The following PSD3 variants were observed in gnomAD, a reference collection of about 807,000 sequenced individuals.
PSD3 encodes the protein pleckstrin and Sec7 domain containing 3.
In PSD3, 49 loss-of-function variants were observed where a neutral mutation model predicts 105.5. The ratio of observed to expected loss-of-function variants is 0.46; its 90% CI spans 0.37 to 0.59. PSD3 has a LOEUF of 0.59. Among genes scored for constraint, PSD3 ranks in the 20% least tolerant of loss-of-function variants. PSD3 has a pLI of 0.00. For synonymous variants in PSD3, 557 were observed against 457.8 expected, an observed-to-expected ratio of 1.22 and a Z score of -2.77; for missense variants, 1,561 against 1,263.8, an observed-to-expected ratio of 1.24 and a Z score of -3.57.
chr8:18,964,720 C>G (rs989324434), intron 1 of PSD3, among the ~76,000 whole-genome samples: 2 of 152,178 alleles, frequency 1.3e-5, no homozygotes, highest in African/African-American at 2.4e-5. Context: ...GATCCTGCGT[C>G]TACCACTGCT....
At chr8:18,674,618 T>G (rs1799968873) in intron 9 of PSD3, among the ~76,000 whole-genome samples, 1 of 152,172 alleles carries the variant, frequency 6.6e-6, no homozygotes, top group Admixed American at 6.5e-5. Flanking sequence ...AGGGGGTGGA[T>G]GGGGCACAGA....
intron 1 of PSD3, among the ~76,000 whole-genome samples, chr8:18,988,341 C>T (rs17469303): frequency 0.014 from 2,207 of 152,234 alleles, 23 homozygotes; most frequent in Non-Finnish European, 0.023. Flanking sequence ...ATAAGACACT[C>T]CTGCCTCTCT....
intron 9 of PSD3, among the ~76,000 whole-genome samples, chr8:18,659,007 G>C (rs1323964407): frequency 1.3e-5 from 2 of 152,138 alleles, no homozygotes; most frequent in South Asian, 4.1e-4. Flanking sequence ...GCTCCAGTAT[G>C]AAAGTTCCCA....
At chr8:18,987,992 G>A (rs1318910451) in intron 1 of PSD3, among the ~76,000 whole-genome samples, 1 of 151,456 alleles carries the variant, frequency 6.6e-6, no homozygotes, top group African/African-American at 2.4e-5. Context: ...GCTAGCAATG[G>A]GGCAATAACA....
chr8:18,540,392 G>C (rs1240781631), intron 15 of PSD3, among the ~76,000 whole-genome samples: 1 of 152,080 alleles, frequency 6.6e-6, no homozygotes, highest in Non-Finnish European at 1.5e-5. Flanking sequence ...CAGTATCTCA[G>C]GTATGCCTGT....
At chr8:18,560,451 T>A (rs567777505) in intron 14 of PSD3, among the ~76,000 whole-genome samples, 1 of 152,092 alleles carries the variant, frequency 6.6e-6, no homozygotes, top group Non-Finnish European at 1.5e-5. Context: ...CAAAATAGAT[T>A]TCAGAGATGG....
chr8:19,051,255 C>G (rs745319532), intron 1 of PSD3, among the ~76,000 whole-genome samples: 6 of 124,230 alleles, frequency 4.8e-5, no homozygotes, highest in Non-Finnish European at 1.0e-4. Context: ...ATAACCAGCG[C>G]TCGTCCTTCA....
At chr8:18,888,621 G>A (rs886679025) in intron 2 of PSD3, among the ~76,000 whole-genome samples, 2 of 152,124 alleles carry the variant, frequency 1.3e-5, no homozygotes, top group Non-Finnish European at 2.9e-5. Flanking sequence ...TAATCACTAT[G>A]ACTTTTAGTA....
chr8:18,920,887 A>G (rs1820966996), intron 2 of PSD3, among the ~76,000 whole-genome samples: 2 of 152,188 alleles, frequency 1.3e-5, no homozygotes, highest in Admixed American at 1.3e-4. Flanking sequence ...GAATAGAGGT[A>G]CCTGTGTCAG....
rs185082727 is a variant in PSD3 at position 19,084,005 on chromosome 8, G to A, written c.324+201C>T. 8.8e-4 allele frequency among the ~76,000 whole-genome samples: 134 copies of A among 152,320 alleles called. 1 individual carries two copies. Among genetic ancestry groups the A allele is most frequent in the Non-Finnish European group, 7.3e-5 (5 of 68,028 alleles). On this transcript the variant is annotated intron_variant, in intron 1 of 1. Transcript: ENST00000521475. ...ATCCTTGCCTTCTTCCAAACAAAAT[G>A]TTTCTGGTGGCCTGGAAGGTGGCAG...
chr8:18,964,123 T>G (rs1003444092), intron 1 of PSD3, among the ~76,000 whole-genome samples: 2 of 152,276 alleles, frequency 1.3e-5, no homozygotes, highest in African/African-American at 4.8e-5. Flanking sequence ...CTCGGGTTTT[T>G]TTTGTTTGTT....
At chr8:18,898,645 T>C (rs371853298) in intron 2 of PSD3, among the ~76,000 whole-genome samples, 1 of 152,338 alleles carries the variant, frequency 6.6e-6, no homozygotes, top group East Asian at 1.9e-4. Flanking sequence ...AATGGACACA[T>C]ATTTTGCATG....
At chr8:18,600,928 CA>C (rs1350607595) in intron 11 of PSD3, among the ~76,000 whole-genome samples, 1 of 152,206 alleles carries the variant, frequency 6.6e-6, no homozygotes, top group East Asian at 1.9e-4. Context: ...ATACCCCCCT[CA>C]ACCAGAGTGC....
At chr8:19,025,476 C>T (rs1431311430) in intron 1 of PSD3, among the ~76,000 whole-genome samples, 2 of 152,128 alleles carry the variant, frequency 1.3e-5, no homozygotes, top group Non-Finnish European at 2.9e-5. Flanking sequence ...CTGACTCGTC[C>T]TTGAGTTTCT....
intron 1 of PSD3, among the ~76,000 whole-genome samples, chr8:18,965,349 G>A (rs892047849): frequency 2.0e-5 from 3 of 152,122 alleles, no homozygotes; most frequent in African/African-American, 7.2e-5. Context: ...AGTTCCTCCA[G>A]CTGAAATCAA....
intron 9 of PSD3, among the ~76,000 whole-genome samples, chr8:18,693,735 C>G (rs1291354353): frequency 6.6e-6 from 1 of 152,222 alleles, no homozygotes; most frequent in Admixed American, 6.5e-5. Flanking sequence ...CCTCTGCACT[C>G]AGCCTCCTTG....
At chr8:18,769,255 G>C (rs1490686576) in intron 8 of PSD3, among the ~76,000 whole-genome samples, 3 of 152,074 alleles carry the variant, frequency 2.0e-5, no homozygotes, top group African/African-American at 7.2e-5. Context: ...AATAAAGGAA[G>C]GTCTAATTTA....
At chr8:18,983,868 G>C (rs1289204917) in intron 1 of PSD3, among the ~76,000 whole-genome samples, 1 of 151,830 alleles carries the variant, frequency 6.6e-6, no homozygotes, top group East Asian at 1.9e-4. Flanking sequence ...GCTGGATATG[G>C]TGGCATGTGC....
chr8:18,673,211 C>T (rs1799883600), intron 9 of PSD3, among the ~76,000 whole-genome samples: 1 of 152,058 alleles, frequency 6.6e-6, no homozygotes, highest in Non-Finnish European at 1.5e-5. Context: ...TCCACACACA[C>T]ACACACACCC....
Sources: gnomAD v4.1 joint callset for allele counts (sites outside exome capture counted in the v4.1 genomes callset) on GRCh38, gnomAD v4.1.1 for gene constraint, MANE v1.5 for transcripts, NCBI Gene and HGNC (gene_info 2026-07-23, HGNC 2026-07-21) for gene names.